The following CLIC5 variants were observed in gnomAD, a reference collection of about 807,000 sequenced individuals.
CLIC5 encodes chloride intracellular channel protein 5.
Under a neutral mutation model 24.7 loss-of-function variants are expected in CLIC5, and 20 were observed. The ratio of observed to expected loss-of-function variants is 0.81; its 90% CI spans 0.57 to 1.18. The LOEUF is 1.18. Among genes scored for constraint, CLIC5 ranks in the 50% most tolerant of loss-of-function variants. CLIC5 has a pLI of 0.00. For synonymous variants in CLIC5, 159 were observed against 135.6 expected (o/e 1.17, Z -1.20); for missense variants, 341 against 326.1 (o/e 1.05, Z -0.35).
the CLIC5 span, among the ~76,000 whole-genome samples, chr6:46,111,191 T>TTC: frequency 1.3e-5 from 2 of 151,928 alleles, no homozygotes; most frequent in African/African-American, 2.4e-5. Context: ...CTTTTTTTTT[T>TTC]TTTTGGAAAC....
At chr6:45,981,185 G>T (rs575068659) in intron 1 of CLIC5, among the ~76,000 whole-genome samples, 1 of 151,850 alleles carries the variant, frequency 6.6e-6, no homozygotes, top group Admixed American at 6.6e-5. Flanking sequence ...TCCCAGGCTG[G>T]TCTTGAAACC....
intron 1 of CLIC5, among the ~76,000 whole-genome samples, chr6:45,956,259 G>A (rs1764638347): frequency 6.6e-6 from 1 of 152,100 alleles, no homozygotes; most frequent in South Asian, 2.1e-4. Context: ...ATTTCCATAG[G>A]GTGGTTTATT....
chr6:46,028,498 G>T (rs1767405569), intron 1 of CLIC5, among the ~76,000 whole-genome samples: 1 of 152,156 alleles, frequency 6.6e-6, no homozygotes, highest in Non-Finnish European at 1.5e-5. Flanking sequence ...AATATGAAAA[G>T]CTAACTAATA....
chr6:45,974,516 TATATATAGAG>T lies in CLIC5; in HGVS notation c.64-19282_64-19273del, dbSNP rs1561976405. ...GTGTGTGTATATATATATATATATA[TATATATAGAG>T]AGAGAGAGAGAGAGAGAGAGAGAGA... is the stretch of plus-strand genomic sequence containing the variant. On this transcript the variant is annotated intron_variant, in intron 1 of 5. Transcript: ENST00000339561. Among the ~76,000 whole-genome samples the T allele has an allele frequency of 8.3e-3, 744 of 89,828 alleles. 4 individuals are homozygous for T. The highest frequency in any genetic ancestry group is 0.011 in the Non-Finnish European group (524 of 46,704). The allele number at this position is 89,828 out of a possible 152,430, so 58.9% of individuals were successfully genotyped here. A position where few individuals can be genotyped will look rare whatever the true frequency, so the allele number is the denominator to read the frequency against.
At chr6:45,983,990 C>T (rs1401652101) in intron 1 of CLIC5, among the ~76,000 whole-genome samples, 1 of 152,104 alleles carries the variant, frequency 6.6e-6, no homozygotes, top group Non-Finnish European at 1.5e-5. Flanking sequence ...AATCAATGTC[C>T]AGCACATAGT....
Position 45,952,686 on chromosome 6 carries a change from T to A in CLIC5, c.173+2449A>T, listed in dbSNP as rs536380506. Reference sequence around the variant, plus strand: ...CTTATCTGTAAAAATGGAGTGGTGCTACATGCCTGGTCTACGTCAAAGGGG... The same window carrying A: ...CTTATCTGTAAAAATGGAGTGGTGCAACATGCCTGGTCTACGTCAAAGGGG... On this transcript the variant is annotated intron_variant, in intron 2 of 5. Coordinates refer to ENST00000339561, the MANE Select transcript of CLIC5 (RefSeq NM_016929.5). 7.9e-5 allele frequency among the ~76,000 whole-genome samples: 12 copies of A among 152,308 alleles called. No homozygotes were observed. The South Asian group carries it at 1.9e-3, about 24-fold the overall frequency.
intron 4 of CLIC5, among the ~76,000 whole-genome samples, chr6:45,939,473 G>T (rs980738106): frequency 1.9e-4 from 29 of 151,940 alleles, no homozygotes; most frequent in Admixed American, 1.9e-3. Flanking sequence ...ATGTAGTCAA[G>T]AGCCACCACA....
At chr6:46,056,566 C>A (rs891728103) in intron 1 of CLIC5, among the ~76,000 whole-genome samples, 9 of 152,142 alleles carry the variant, frequency 5.9e-5, no homozygotes, top group African/African-American at 2.2e-4. Flanking sequence ...ACTCCCTGTT[C>A]AGTGATGCCA....
At chr6:46,112,619 G>C in the CLIC5 span, among the ~76,000 whole-genome samples, 1 of 152,022 alleles carries the variant, frequency 6.6e-6, no homozygotes, top group East Asian at 1.9e-4. Flanking sequence ...ACACTTATTA[G>C]TAAACACAGT....
At chr6:46,047,099 A>C (rs889522907) in intron 1 of CLIC5, among the ~76,000 whole-genome samples, 3 of 152,228 alleles carry the variant, frequency 2.0e-5, no homozygotes, top group African/African-American at 7.2e-5. Context: ...CAACTGGTTA[A>C]GACCAATGCC....
Position 45,955,501 on chromosome 6 carries a change from T to C in CLIC5, c.64-257A>G, listed in dbSNP as rs77575247. Among the ~76,000 whole-genome samples the C allele has an allele frequency of 1.2e-3, 178 of 152,290 alleles. 2 individuals are homozygous for C. In the East Asian group the frequency reaches 0.028, roughly 24 times the overall value. On this transcript the variant is annotated intron_variant, in intron 1 of 5. Coordinates refer to ENST00000339561, the MANE Select transcript of CLIC5 (RefSeq NM_016929.5). The stretch of plus-strand genomic sequence containing the variant: ...GCAGAATCATAACTTTATGAAATCA[T>C]AGAACCCTTGGGGTAAAAATAGACC...
intron 4 of CLIC5, among the ~76,000 whole-genome samples, chr6:45,925,996 A>G (rs971570673): frequency 6.6e-6 from 1 of 152,088 alleles, no homozygotes; most frequent in Non-Finnish European, 1.5e-5. Context: ...AGTAAAACTC[A>G]TCTTAGGGTC....
At chr6:45,895,934 G>T (rs1762389647), downstream of CLIC5, among the ~76,000 whole-genome samples, 1 of 152,322 alleles carries the variant, frequency 6.6e-6, no homozygotes, top group Admixed American at 6.5e-5. Flanking sequence ...AGTGTTTGGG[G>T]CATTGAGATA....
intron 1 of CLIC5, among the ~76,000 whole-genome samples, chr6:46,072,826 T>C (rs1206621509): frequency 2.6e-5 from 4 of 152,202 alleles, no homozygotes; most frequent in Admixed American, 6.5e-5. Context: ...GTGGAAAGCA[T>C]CACAGTGATA....
intron 1 of CLIC5, among the ~76,000 whole-genome samples, chr6:45,996,981 T>C (rs940510155): frequency 1.9e-4 from 29 of 152,148 alleles, no homozygotes; most frequent in Non-Finnish European, 4.1e-4. Context: ...AAATACCATT[T>C]GACCCAGCCA....
chr6:45,985,762 T>C (rs1275482956), intron 1 of CLIC5, among the ~76,000 whole-genome samples: 1 of 152,222 alleles, frequency 6.6e-6, no homozygotes, highest in East Asian at 1.9e-4. Flanking sequence ...GTGACTCTTT[T>C]TGGGTAAAGG....
intron 4 of CLIC5, among the ~76,000 whole-genome samples, chr6:45,927,569 G>A (rs1027564906): frequency 1.3e-5 from 2 of 152,160 alleles, no homozygotes; most frequent in African/African-American, 4.8e-5. Context: ...TTCTACCAGG[G>A]AGAACCACTG....
chr6:46,062,576 C>A (rs1762315209), intron 1 of CLIC5, among the ~76,000 whole-genome samples: 1 of 152,182 alleles, frequency 6.6e-6, no homozygotes, highest in African/African-American at 2.4e-5. Flanking sequence ...GTGGGACATG[C>A]CTTCGAGCCC....
chr6:45,914,749 G>A (rs1164887126), intron 4 of CLIC5, among the ~76,000 whole-genome samples: 7 of 151,620 alleles, frequency 4.6e-5, no homozygotes, highest in South Asian at 4.2e-4. Flanking sequence ...TTAAGAGATC[G>A]AAACCACCCT....
Sources: gnomAD v4.1 joint callset for allele counts (sites outside exome capture counted in the v4.1 genomes callset) on GRCh38, gnomAD v4.1.1 for gene constraint, MANE v1.5 for transcripts, NCBI Gene and HGNC (gene_info 2026-07-23, HGNC 2026-07-21) for gene names.